Variants in ZDHHC2 observed in about 807,000 individuals in gnomAD.
The protein encoded by ZDHHC2 is zDHHC palmitoyltransferase 2.
A neutral mutation model predicts 55.6 loss-of-function variants in ZDHHC2; 51 were observed. The observed-to-expected ratio is 0.92, with a 90% CI of 0.73 to 1.16. The LOEUF is 1.16. Ranked by LOEUF, ZDHHC2 falls within the 50% of genes most tolerant of loss-of-function variation. The pLI is 0.00. For synonymous variants in ZDHHC2, 199 were observed against 152.9 expected (o/e 1.30, Z -2.22); for missense variants, 491 against 442.4 (o/e 1.11, Z -0.99).
chr8:17,199,869 C>G (rs1235032836), intron 6 of ZDHHC2, among the ~76,000 whole-genome samples: 3 of 151,488 alleles, frequency 2.0e-5, no homozygotes, highest in African/African-American at 7.3e-5. Flanking sequence ...AAGCGATTCT[C>G]CTGCCTCAGC....
intron 8 of ZDHHC2, 30 bp downstream of exon 8, chr8:17,208,122 A>G (rs1807198035): frequency 6.6e-7 from 1 of 1,519,918 alleles, no homozygotes; most frequent in Non-Finnish European, 8.9e-7. Flanking sequence ...AGTTGACAGA[A>G]CTTTAAATAC....
At chr8:17,192,606 G>A (rs901815795) in intron 3 of ZDHHC2, among the ~76,000 whole-genome samples, 1 of 152,082 alleles carries the variant, frequency 6.6e-6, no homozygotes, top group Admixed American at 6.6e-5. Flanking sequence ...TTCCTTTGCT[G>A]TGCAAAAGCC....
At chr8:17,169,925 A>G (rs1199526063) in intron 1 of ZDHHC2, among the ~76,000 whole-genome samples, 1 of 152,188 alleles carries the variant, frequency 6.6e-6, no homozygotes. Context: ...GTACTTGTAT[A>G]ATATTACACT....
chr8:17,157,072 G>A (rs1239766681), intron 1 of ZDHHC2, among the ~76,000 whole-genome samples: 4 of 151,982 alleles, frequency 2.6e-5, no homozygotes, highest in Non-Finnish European at 5.9e-5. Flanking sequence ...TTAAGGTGGC[G>A]CCTCCGCCCC....
At chr8:17,196,390 A>G (rs942439088) in intron 4 of ZDHHC2, among the ~76,000 whole-genome samples, 2 of 152,034 alleles carry the variant, frequency 1.3e-5, no homozygotes, top group Non-Finnish European at 2.9e-5. Context: ...AAAAATATAT[A>G]TAAAATATCT....
At chr8:17,180,785 C>G (rs1402022697) in intron 1 of ZDHHC2, among the ~76,000 whole-genome samples, 1 of 152,154 alleles carries the variant, frequency 6.6e-6, no homozygotes. Context: ...AGCCATTGCT[C>G]TTTGGTGCTA....
chr8:17,166,336 A>C (rs1216685226), intron 1 of ZDHHC2, among the ~76,000 whole-genome samples: 1 of 152,204 alleles, frequency 6.6e-6, no homozygotes, highest in Admixed American at 6.5e-5. Context: ...GAAAGGAGTC[A>C]AAAATGATTC....
At chr8:17,204,826 A>G (rs1179891502) in intron 6 of ZDHHC2, among the ~76,000 whole-genome samples, 1 of 152,138 alleles carries the variant, frequency 6.6e-6, no homozygotes, top group African/African-American at 2.4e-5. Context: ...TAAAATATAA[A>G]TAAATAATTT....
chr8:17,184,842 G>T, intron 2 of ZDHHC2, 27 bp downstream of exon 2: 1 of 1,520,748 alleles, frequency 6.6e-7, no homozygotes, highest in South Asian at 1.3e-5. Flanking sequence ...TAATGTTATA[G>T]ATTTTTTAAA....
At chr8:17,181,681 C>A (rs1435327756) in intron 1 of ZDHHC2, among the ~76,000 whole-genome samples, 1 of 152,036 alleles carries the variant, frequency 6.6e-6, no homozygotes, top group African/African-American at 2.4e-5. Flanking sequence ...AACTCAAAAT[C>A]CACATTAAAA....
intron 12 of ZDHHC2, among the ~76,000 whole-genome samples, chr8:17,218,034 G>C (rs1807727940): frequency 6.6e-6 from 1 of 152,130 alleles, no homozygotes; most frequent in Admixed American, 6.5e-5. Context: ...TTGCATCAAA[G>C]TTCATGGATA....
In ZDHHC2 at chr8:17,184,771, CT is replaced by C. The variant is rs759932776; in HGVS notation, c.131-11del. 35 of 1,548,048 alleles carry C rather than the reference CT, an allele frequency of 2.3e-5. No homozygotes were observed. The Admixed American group carries it at 5.8e-4, about 25-fold the overall frequency. On this transcript the variant is annotated splice_polypyrimidine_tract_variant and intron_variant, in intron 1 of 12. Transcript: ENST00000262096. ...CCATAAGCTTCATGTAACCTATTAC[CT>C]TTTTTTCTCTTTACAGTGTCCATGG... is the stretch of plus-strand genomic sequence containing the variant.
At chr8:17,199,491 T>TCCG (rs1806524908) in intron 6 of ZDHHC2, among the ~76,000 whole-genome samples, 1 of 37,302 alleles carries the variant, frequency 2.7e-5, no homozygotes, top group Non-Finnish European at 6.8e-5. Flanking sequence ...CTTCTTCTTC[T>TCCG]TCTTCTTCTT....
chr8:17,166,370 G>A (rs891462143), intron 1 of ZDHHC2, among the ~76,000 whole-genome samples: 5 of 152,130 alleles, frequency 3.3e-5, no homozygotes, highest in East Asian at 1.9e-4. Flanking sequence ...TCATACAACC[G>A]AAAGGATGAT....
At position 17,222,015 on chromosome 8, in the gene ZDHHC2, T is replaced by C. The variant is rs1203424027; in HGVS notation, c.*1794T>C. ...TTTTTTTTTTTTCAAAGCACAGTAC[T>C]GTTAGCTGTTTTTGTGGACAGGATT... On this transcript the variant is annotated 3_prime_UTR_variant, in exon 13 of 13. Coordinates refer to ENST00000262096, the MANE Select transcript of ZDHHC2 (RefSeq NM_016353.5). 5 of 145,624 alleles carry C rather than the reference T, an allele frequency of 3.4e-5. No individual in the cohort carries two copies. The highest frequency in any genetic ancestry group is 7.5e-5 in the Non-Finnish European group (5 of 66,304). 9.0% of individuals were successfully genotyped at this position (145,624 alleles called of 1,614,324 possible). A position where few individuals can be genotyped will look rare whatever the true frequency, so the allele number is the denominator to read the frequency against.
Position 17,195,663 on chromosome 8 carries a change from A to G in ZDHHC2, c.373+39A>G, listed in dbSNP as rs779552110. 8 of 1,611,584 alleles carry G rather than the reference A, an allele frequency of 5.0e-6. No homozygotes were observed. In the South Asian group the frequency reaches 8.8e-5, roughly 18 times the overall value. The stretch of plus-strand genomic sequence containing the variant: ...ATGAGTGCTTTGCAATGGTATGCAA[A>G]TAACATCATTAAGGTGACTGTAAGA... On this transcript the variant is annotated intron_variant, in intron 4 of 12. Coordinates refer to ENST00000262096, the MANE Select transcript of ZDHHC2 (RefSeq NM_016353.5).
At chr8:17,167,336 C>T (rs1299262160) in intron 1 of ZDHHC2, among the ~76,000 whole-genome samples, 4 of 133,214 alleles carry the variant, frequency 3.0e-5, no homozygotes, top group South Asian at 2.4e-4. Context: ...GAGACAGTCT[C>T]GCTCTGTCAG....
chr8:17,199,931 G>A (rs964552951), intron 6 of ZDHHC2, among the ~76,000 whole-genome samples: 1 of 151,744 alleles, frequency 6.6e-6, no homozygotes, highest in African/African-American at 2.4e-5. Context: ...GCTAATTTTT[G>A]TACTTTTAGT....
intron 3 of ZDHHC2, among the ~76,000 whole-genome samples, chr8:17,191,858 T>C (rs900553349): frequency 6.6e-6 from 1 of 152,236 alleles, no homozygotes; most frequent in African/African-American, 2.4e-5. Context: ...CTGGGTCATA[T>C]GGTAGCTCTA....
Sources: allele counts gnomAD v4.1 joint callset (sites outside exome capture counted in the v4.1 genomes callset), GRCh38; gene constraint gnomAD v4.1.1; transcripts MANE v1.5; gene names NCBI Gene and HGNC (gene_info 2026-07-23, HGNC 2026-07-21).